Variants in INO80 observed in about 807,000 individuals in gnomAD.
INO80 encodes INO80 complex ATPase subunit, also known as chromatin-remodeling ATPase INO80.
In INO80, 20 loss-of-function variants were observed where a neutral mutation model predicts 203.4. The observed-to-expected ratio is 0.10, with a 90% CI of 0.07 to 0.14. The LOEUF (loss-of-function observed/expected upper bound fraction) is 0.14, where lower values mean the gene tolerates loss of function less well. Among genes scored for constraint, INO80 ranks in the 10% least tolerant of loss-of-function variants. The probability of loss-of-function intolerance (pLI) is 1.00; values close to 1 mark genes in which losing one functional copy is unlikely to be tolerated. For missense variants in INO80, 1,419 were observed against 1,914.4 expected, an observed-to-expected ratio of 0.74 and a Z score of 4.83; for synonymous variants, 726 against 685.2, an observed-to-expected ratio of 1.06 and a Z score of -0.93.
At chr15:41,003,487 GC>G (rs2043994708) in intron 28 of INO80, among the ~76,000 whole-genome samples, 1 of 151,306 alleles carries the variant, frequency 6.6e-6, no homozygotes, top group African/African-American at 2.4e-5. Context: ...CCACCACCAC[GC>G]CCAGCTAATT....
intron 11 of INO80, 46 bp downstream of exon 11, chr15:41,073,382 T>C (rs757709399): frequency 6.8e-7 from 1 of 1,469,682 alleles, no homozygotes. Flanking sequence ...GCTTGTGGGG[T>C]ATTTCCAGGG....
intron 4 of INO80, among the ~76,000 whole-genome samples, chr15:41,094,194 C>A (rs1315614755): frequency 2.0e-5 from 3 of 152,140 alleles, no homozygotes; most frequent in African/African-American, 7.2e-5. Context: ...GTAAACACTC[C>A]AACGGCTTAT....
chr15:41,069,415 CCA>C, intron 14 of INO80, 153 bp downstream of exon 14: 2 of 486,134 alleles, frequency 4.1e-6, no homozygotes, highest in South Asian at 3.3e-5. Flanking sequence ...CGTGATCCAC[CCA>C]CCTCAACCTC....
intron 12 of INO80, 30 bp from the exon 13 acceptor site, chr15:41,070,577 T>A (rs759203185): frequency 6.6e-7 from 1 of 1,521,758 alleles, no homozygotes; most frequent in South Asian, 1.1e-5. Context: ...GGTCAACACC[T>A]CATGCATTTC....
chr15:41,039,420 G>T (rs945744470), intron 24 of INO80, among the ~76,000 whole-genome samples: 1 of 152,232 alleles, frequency 6.6e-6, no homozygotes, highest in East Asian at 1.9e-4. Context: ...GTGTGTGTGT[G>T]TTTTTAAGCA....
Position 41,021,019 on chromosome 15 carries a change from T to G in INO80, c.3155A>C (p.Asn1052Thr). The part of the protein sequence containing the change: ...GSLAAKQCLL[N>T]GAPELAADWL... ...GTCTGCAGCCAGTTCAGGGGCCCCA[T>G]TCAACAAACACTGCTTGGCTGCCAG... Residue 1052 changes from asparagine (N) to threonine (T), a missense_variant, in exon 26 of 36, where the codon AAT (asparagine) becomes ACT (threonine). Physicochemically the swap from Asn to Thr is moderately conservative, Grantham distance 65 (BLOSUM62 0). This residue lies in a region of INO80 where 302 missense variants were observed against 345.4 expected (regional missense o/e 0.87). Coordinates refer to ENST00000648947, the MANE Select transcript of INO80 (RefSeq NM_017553.3). 6.2e-7 allele frequency: 1 copy of G among 1,614,026 alleles called. No individual in the cohort carries two copies. Among genetic ancestry groups the G allele is most frequent in the Non-Finnish European group, 8.5e-7 (1 of 1,179,912 alleles).
At chr15:41,103,098 ATCTG>A (rs2045832903) in intron 1 of INO80, among the ~76,000 whole-genome samples, 1 of 152,160 alleles carries the variant, frequency 6.6e-6, no homozygotes, top group South Asian at 2.1e-4. Context: ...CAGCTAGTTC[ATCTG>A]TCTTTCCTAT....
chr15:40,997,676 C>G, intron 28 of INO80, 75 bp from the exon 29 acceptor site: 1 of 921,444 alleles, frequency 1.1e-6, no homozygotes, highest in Non-Finnish European at 1.8e-6. Flanking sequence ...AGAGAGATCT[C>G]TGAATACAGA....
chr15:41,056,828 A>G (rs1274350681), intron 16 of INO80, 122 bp from the exon 17 acceptor site: 7 of 716,856 alleles, frequency 9.8e-6, no homozygotes, highest in African/African-American at 7.1e-5. Flanking sequence ...CAAGTACTCC[A>G]TCATGTATTC....
At chr15:41,095,963 G>A (rs191452659) in intron 2 of INO80, 35 bp from the exon 3 acceptor site, 1 of 1,577,684 alleles carries the variant, frequency 6.3e-7, no homozygotes, top group South Asian at 1.1e-5. Context: ...AATTACAGCT[G>A]ACCCAATAAA....
intron 28 of INO80, among the ~76,000 whole-genome samples, chr15:41,003,985 G>A (rs1195807910): frequency 6.6e-6 from 1 of 152,164 alleles, no homozygotes; most frequent in Admixed American, 6.5e-5. Flanking sequence ...GTAAGGACAT[G>A]ACATGATAAA....
intron 8 of INO80, 136 bp downstream of exon 8, chr15:41,080,884 A>G: frequency 1.5e-6 from 1 of 671,496 alleles, no homozygotes. Context: ...GCTTGAGAAC[A>G]TTCAGAAACT....
chr15:41,092,677 G>A (rs2045662496), intron 4 of INO80, among the ~76,000 whole-genome samples: 6 of 152,144 alleles, frequency 3.9e-5, no homozygotes, highest in Admixed American at 3.9e-4. Flanking sequence ...ATGAGTAGGG[G>A]CTACAATATG....
chr15:41,047,929 C>T (rs1199410805), intron 22 of INO80, among the ~76,000 whole-genome samples: 1 of 152,168 alleles, frequency 6.6e-6, no homozygotes, highest in Non-Finnish European at 1.5e-5. Flanking sequence ...CAGTCCAGCA[C>T]CGACTTTGTC....
chr15:41,045,787 G>C (rs907018108), intron 23 of INO80, among the ~76,000 whole-genome samples: 33 of 151,610 alleles, frequency 2.2e-4, no homozygotes, highest in African/African-American at 7.8e-4. Flanking sequence ...TGTAATCCCA[G>C]CTACTTGGGA....
intron 11 of INO80, among the ~76,000 whole-genome samples, chr15:41,072,722 A>C (rs147791636): frequency 9.4e-4 from 143 of 151,738 alleles, no homozygotes; most frequent in African/African-American, 3.2e-3. Flanking sequence ...AAGGCATTAA[A>C]TAACGTAGCA....
chr15:41,075,895 C>G (rs924506091), intron 9 of INO80, among the ~76,000 whole-genome samples: 1 of 152,134 alleles, frequency 6.6e-6, no homozygotes, highest in East Asian at 1.9e-4. Context: ...ACCTGGCCAG[C>G]CACCACACCG....
chr15:41,096,036 CTTTT>C (rs1236872286), intron 2 of INO80, 108 bp from the exon 3 acceptor site: 1 of 1,411,800 alleles, frequency 7.1e-7, no homozygotes, highest in Non-Finnish European at 9.5e-7. Context: ...AATAAATTGA[CTTTT>C]TTATTTGAAA....
intron 11 of INO80, among the ~76,000 whole-genome samples, chr15:41,073,128 C>T (rs1047116649): frequency 6.6e-6 from 1 of 151,920 alleles, no homozygotes; most frequent in Non-Finnish European, 1.5e-5. Context: ...TACTGTATTG[C>T]CCATGATTAC....
Sources: gnomAD v4.1 joint callset for allele counts (sites outside exome capture counted in the v4.1 genomes callset) on GRCh38, gnomAD v4.1.1 for gene constraint, gnomAD v4.1.1 regional missense constraint, MANE v1.5 for transcripts, NCBI Gene and HGNC (gene_info 2026-07-23, HGNC 2026-07-21) for gene names.